TASP1: variants seen among roughly 807,000 people sequenced by gnomAD.
TASP1 encodes threonine aspartase 1.
Under a neutral mutation model 56.6 loss-of-function variants are expected in TASP1, and 16 were observed. The observed-to-expected ratio is 0.28, with a 90% CI of 0.19 to 0.43. The LOEUF (loss-of-function observed/expected upper bound fraction) is 0.43, where lower values mean the gene tolerates loss of function less well. TASP1 is among the 20% of genes least tolerant of loss of function. The pLI is 1.00. For missense variants in TASP1, 393 were observed against 511.6 expected (o/e 0.77, Z 2.24); for synonymous variants, 179 against 184.2 (o/e 0.97, Z 0.23).
intron 11 of TASP1, among the ~76,000 whole-genome samples, chr20:13,459,014 A>G (rs1386361770): frequency 6.6e-6 from 1 of 152,188 alleles, no homozygotes; most frequent in African/African-American, 2.4e-5. Context: ...ATTTCATGTC[A>G]TGAGACAAGT....
chr20:13,427,311 T>C (rs540050860), intron 12 of TASP1, among the ~76,000 whole-genome samples: 1 of 152,328 alleles, frequency 6.6e-6, no homozygotes, highest in East Asian at 1.9e-4. Flanking sequence ...CATACTTTGG[T>C]AACAGCAACA....
the TASP1 span, among the ~76,000 whole-genome samples, chr20:13,284,113 G>A: frequency 5.3e-5 from 8 of 152,234 alleles, no homozygotes; most frequent in African/African-American, 1.9e-4. Context: ...TACCTCACAG[G>A]GTTGTTGTAG....
At chr20:13,265,780 G>T in the TASP1 span, among the ~76,000 whole-genome samples, 1 of 151,896 alleles carries the variant, frequency 6.6e-6, no homozygotes, top group South Asian at 2.1e-4. Context: ...AATCCCAAGA[G>T]GGCACATTGC....
chr20:13,474,807 G>T (rs1017450499), intron 11 of TASP1, among the ~76,000 whole-genome samples: 52 of 152,114 alleles, frequency 3.4e-4, no homozygotes, highest in African/African-American at 1.2e-3. Flanking sequence ...ATTGTTTTTT[G>T]ACTTTTAAAT....
chr20:13,195,339 C>T, the TASP1 span, among the ~76,000 whole-genome samples: 1 of 152,176 alleles, frequency 6.6e-6, no homozygotes, highest in Non-Finnish European at 1.5e-5. Flanking sequence ...CTTCCAGTGG[C>T]AGGCATCTAT....
chr20:13,320,748 T>A, the TASP1 span, among the ~76,000 whole-genome samples: 2 of 152,180 alleles, frequency 1.3e-5, no homozygotes, highest in African/African-American at 4.8e-5. Context: ...CTAAGATGAC[T>A]GTCCAAGCTC....
chr20:13,358,441 C>A, the TASP1 span, among the ~76,000 whole-genome samples: 1 of 152,184 alleles, frequency 6.6e-6, no homozygotes, highest in East Asian at 1.9e-4. Context: ...GTCCTCAGAC[C>A]GACCAGCCCA....
chr20:13,220,735 A>T, the TASP1 span, among the ~76,000 whole-genome samples: 3 of 152,240 alleles, frequency 2.0e-5, no homozygotes, highest in Admixed American at 1.3e-4. Flanking sequence ...ACCCTTCGGA[A>T]CGACACTTTG....
At chr20:13,118,460 C>CA in the TASP1 span, among the ~76,000 whole-genome samples, 209 of 127,668 alleles carry the variant, frequency 1.6e-3, 2 homozygotes, top group East Asian at 0.012. Context: ...AAAAAAAAAA[C>CA]AAAAAAAAAC....
intron 8 of TASP1, among the ~76,000 whole-genome samples, chr20:13,549,650 A>C (rs1240420054): frequency 6.6e-6 from 1 of 152,124 alleles, no homozygotes; most frequent in Non-Finnish European, 1.5e-5. Context: ...ATTTCCAGAT[A>C]TGAAGGCTTC....
chr20:13,213,214 C>A, the TASP1 span, among the ~76,000 whole-genome samples: 5 of 152,020 alleles, frequency 3.3e-5, no homozygotes, highest in Non-Finnish European at 7.4e-5. Context: ...AACTTCTAGC[C>A]TGTTGGATTT....
At chr20:13,292,605 T>C in the TASP1 span, 1 of 636,718 alleles carries the variant, frequency 1.6e-6, no homozygotes, top group Non-Finnish European at 2.8e-6. Flanking sequence ...GTGTCTTGCT[T>C]GCTGAATATA....
At chr20:13,574,372 G>C (rs894595562) in intron 6 of TASP1, among the ~76,000 whole-genome samples, 2 of 152,136 alleles carry the variant, frequency 1.3e-5, no homozygotes, top group Non-Finnish European at 2.9e-5. Context: ...TGTAAGAATA[G>C]TTTTTAAAAT....
intron 1 of TASP1, among the ~76,000 whole-genome samples, chr20:13,638,691 G>T (rs2049402342): frequency 6.6e-6 from 1 of 152,152 alleles, no homozygotes; most frequent in Non-Finnish European, 1.5e-5. Context: ...GGGGACGACG[G>T]GGCCGCCTAG....
intron 8 of TASP1, among the ~76,000 whole-genome samples, chr20:13,551,555 C>T (rs1178857220): frequency 6.6e-6 from 1 of 152,134 alleles, no homozygotes; most frequent in Non-Finnish European, 1.5e-5. Context: ...CCCTTCCAGT[C>T]ATATCCAGGG....
At chr20:13,132,405 G>A in the TASP1 span, among the ~76,000 whole-genome samples, 2 of 151,868 alleles carry the variant, frequency 1.3e-5, no homozygotes, top group Non-Finnish European at 2.9e-5. Flanking sequence ...TTGAGCTCCC[G>A]ACCTCAAGTA....
At chr20:13,188,325 T>A in the TASP1 span, among the ~76,000 whole-genome samples, 2 of 152,090 alleles carry the variant, frequency 1.3e-5, no homozygotes, top group Non-Finnish European at 2.9e-5. Flanking sequence ...CCTAAACTAA[T>A]AAATAAATTG....
the TASP1 span, among the ~76,000 whole-genome samples, chr20:13,220,050 G>C: frequency 6.6e-6 from 1 of 152,140 alleles, no homozygotes; most frequent in African/African-American, 2.4e-5. Flanking sequence ...GAGGCACTGG[G>C]GTCCGGGACG....
At chr20:13,515,660 C>G (rs185680175) in intron 10 of TASP1, among the ~76,000 whole-genome samples, 73 of 151,742 alleles carry the variant, frequency 4.8e-4, no homozygotes, top group Non-Finnish European at 9.4e-4. Flanking sequence ...ATCAGTACAC[C>G]TTACACTGAC....
Sources: gnomAD v4.1 joint callset for allele counts (sites outside exome capture counted in the v4.1 genomes callset) on GRCh38, gnomAD v4.1.1 for gene constraint, MANE v1.5 for transcripts, NCBI Gene and HGNC (gene_info 2026-07-23, HGNC 2026-07-21) for gene names.